Variants in ATF6 observed in about 807,000 individuals in gnomAD.
ATF6 encodes cyclic AMP-dependent transcription factor ATF-6 alpha.
In ATF6, 53 loss-of-function variants were observed where a neutral mutation model predicts 83.6. The observed-to-expected ratio is 0.63, with a 90% confidence interval of 0.51 to 0.80. The LOEUF (loss-of-function observed/expected upper bound fraction) is 0.80, where lower values mean the gene tolerates loss of function less well. Among genes scored for constraint, ATF6 ranks in the 30% least tolerant of loss-of-function variants. The pLI is 0.00. For synonymous variants in ATF6, 288 were observed against 285.8 expected (o/e 1.01, Z -0.08); for missense variants, 744 against 797.9 (o/e 0.93, Z 0.81).
At chr1:161,923,138 C>T (rs957846519) in intron 15 of ATF6, among the ~76,000 whole-genome samples, 10 of 152,122 alleles carry the variant, frequency 6.6e-5, no homozygotes, top group Non-Finnish European at 2.9e-5. Context: ...GTCTTTCCTC[C>T]ACTGAACCTC....
intron 7 of ATF6, among the ~76,000 whole-genome samples, chr1:161,809,204 C>T (rs1449311977): frequency 6.6e-6 from 1 of 152,048 alleles, no homozygotes; most frequent in Non-Finnish European, 1.5e-5. Flanking sequence ...CTCCCCCAAC[C>T]CCACGACAGG....
intron 15 of ATF6, among the ~76,000 whole-genome samples, chr1:161,933,744 G>A (rs10733044): frequency 0.9 from 137,462 of 152,272 alleles, 62,205 homozygotes; most frequent in African/African-American, 0.96. Flanking sequence ...CCATAGCTCA[G>A]TCAATCTCTG....
chr1:161,931,174 T>C (rs1405397713), intron 15 of ATF6, among the ~76,000 whole-genome samples: 1 of 152,212 alleles, frequency 6.6e-6, no homozygotes, highest in Non-Finnish European at 1.5e-5. Flanking sequence ...CGCACCTGGC[T>C]GGTTCCAAGA....
At chr1:161,838,322 A>G (rs924975817) in intron 9 of ATF6, among the ~76,000 whole-genome samples, 2 of 152,228 alleles carry the variant, frequency 1.3e-5, no homozygotes, top group Non-Finnish European at 2.9e-5. Context: ...TCTAATTACT[A>G]TAGAGTATCA....
chr1:161,957,556 C>T (rs1688993083), intron 15 of ATF6, among the ~76,000 whole-genome samples: 1 of 151,846 alleles, frequency 6.6e-6, no homozygotes, highest in African/African-American at 2.4e-5. Context: ...GTAATTTGGT[C>T]CTCTCCCTAA....
At chr1:161,871,437 G>A (rs554494167) in intron 14 of ATF6, among the ~76,000 whole-genome samples, 8 of 151,348 alleles carry the variant, frequency 5.3e-5, no homozygotes, top group African/African-American at 1.7e-4. Flanking sequence ...ACAAACCCCC[G>A]TGACATGAGT....
chr1:161,933,207 A>G (rs1688468701), intron 15 of ATF6, among the ~76,000 whole-genome samples: 1 of 152,210 alleles, frequency 6.6e-6, no homozygotes. Context: ...TTGTTTAATC[A>G]TGGAGAATCC....
intron 8 of ATF6, 93 bp from the exon 9 acceptor site, chr1:161,820,977 G>T: frequency 9.0e-6 from 6 of 666,712 alleles, no homozygotes; most frequent in East Asian, 3.2e-5. Context: ...AGAGATTTAC[G>T]TAACCGGTAA....
At chr1:161,887,135 G>A (rs1171447015) in intron 14 of ATF6, among the ~76,000 whole-genome samples, 2 of 151,508 alleles carry the variant, frequency 1.3e-5, no homozygotes, top group African/African-American at 2.4e-5. Flanking sequence ...GCAGTGGTGC[G>A]ATCTCAGCTC....
At chr1:161,932,323 T>G (rs1688451067) in intron 15 of ATF6, among the ~76,000 whole-genome samples, 1 of 152,212 alleles carries the variant, frequency 6.6e-6, no homozygotes, top group South Asian at 2.1e-4. Context: ...CTAGATTTTT[T>G]CAGGCATATT....
At chr1:161,845,430 T>A (rs970933502) in intron 9 of ATF6, among the ~76,000 whole-genome samples, 2 of 152,012 alleles carry the variant, frequency 1.3e-5, no homozygotes, top group African/African-American at 4.8e-5. Context: ...ACACACAAAG[T>A]CTTATTGATG....
chr1:161,818,138 A>G (rs2101780852), intron 7 of ATF6, among the ~76,000 whole-genome samples: 1 of 151,648 alleles, frequency 6.6e-6, no homozygotes, highest in South Asian at 2.1e-4. Context: ...TACATTCTTT[A>G]ACTTTATTTA....
intron 6 of ATF6, among the ~76,000 whole-genome samples, chr1:161,795,681 G>A (rs1685000979): frequency 6.6e-6 from 1 of 152,216 alleles, no homozygotes; most frequent in African/African-American, 2.4e-5. Context: ...ATGCCAGAGA[G>A]GATTTTGAGC....
intron 9 of ATF6, among the ~76,000 whole-genome samples, chr1:161,844,855 CTT>C (rs1014359921): frequency 9.9e-5 from 15 of 152,136 alleles, no homozygotes; most frequent in African/African-American, 3.4e-4. Context: ...ATCAGGGTGA[CTT>C]TTCTTAAGTT....
At chr1:161,900,110 A>G (rs956522317) in intron 14 of ATF6, among the ~76,000 whole-genome samples, 2 of 152,158 alleles carry the variant, frequency 1.3e-5, no homozygotes, top group Non-Finnish European at 2.9e-5. Context: ...TTCACCAAAA[A>G]TTGCATAAAT....
rs1224439269 is a variant in ATF6, at chr1:161,963,640, A to G, written c.*4986A>G. 1 of 152,206 alleles carries G rather than the reference A, an allele frequency of 6.6e-6. No individual in the cohort carries two copies. Among genetic ancestry groups the G allele is most frequent in the Non-Finnish European group, 1.5e-5 (1 of 68,040 alleles). The allele number at this position is 152,206 out of a possible 1,614,324, so 9.4% of individuals were successfully genotyped here. Reference sequence around the variant, plus strand: ...AGGTTGACTTTCACAGCAATTGTATATTGATCCATTTTAACTCATCCTTGC... The same window carrying G: ...AGGTTGACTTTCACAGCAATTGTATGTTGATCCATTTTAACTCATCCTTGC... On this transcript the variant is annotated 3_prime_UTR_variant, in exon 16 of 16. Coordinates refer to ENST00000367942, the MANE Select transcript of ATF6 (RefSeq NM_007348.4).
intron 15 of ATF6, among the ~76,000 whole-genome samples, chr1:161,934,127 T>C (rs1688488141): frequency 6.6e-6 from 1 of 152,164 alleles, no homozygotes; most frequent in Admixed American, 6.5e-5. Context: ...TCACATTCAT[T>C]CAGGTGTGAA....
intron 15 of ATF6, among the ~76,000 whole-genome samples, chr1:161,914,209 T>A (rs1688045482): frequency 6.6e-6 from 1 of 152,220 alleles, no homozygotes; most frequent in Admixed American, 6.5e-5. Flanking sequence ...GCCTTTTCTC[T>A]TAACAGTCTT....
chr1:161,921,353 ATT>A (rs1353921586), intron 15 of ATF6, among the ~76,000 whole-genome samples: 2 of 152,244 alleles, frequency 1.3e-5, no homozygotes, highest in Non-Finnish European at 2.9e-5. Flanking sequence ...TGAAGACTCT[ATT>A]AAGAGATTAT....
Sources: gnomAD v4.1 joint callset for allele counts (sites outside exome capture counted in the v4.1 genomes callset) on GRCh38, gnomAD v4.1.1 for gene constraint, MANE v1.5 for transcripts, NCBI Gene and HGNC (gene_info 2026-07-23, HGNC 2026-07-21) for gene names.